The following SPATA22 variants were observed in gnomAD, a reference collection of about 807,000 sequenced individuals.
The protein encoded by SPATA22 is spermatogenesis-associated protein 22.
Under a neutral mutation model 47.8 loss-of-function variants are expected in SPATA22, and 29 were observed. That is an observed-to-expected ratio of 0.61 (90% CI 0.45 to 0.83). SPATA22 has a LOEUF of 0.83. Ranked by LOEUF, SPATA22 falls within the 40% of genes least tolerant of loss-of-function variation. The pLI is 0.00. For synonymous variants in SPATA22, 133 were observed against 140.9 expected, an observed-to-expected ratio of 0.94 and a Z score of 0.40; for missense variants, 410 against 421.7, an observed-to-expected ratio of 0.97 and a Z score of 0.24.
In SPATA22 at chr17:3,464,914, C is replaced by T. The variant is rs1242886451; in HGVS notation, c.173-2147G>A. 2.0e-5 allele frequency among the ~76,000 whole-genome samples: 2 copies of T among 99,284 alleles called. 1 individual carries two copies. The highest frequency in any genetic ancestry group is 6.0e-5 in the African/African-American group (2 of 33,272). 65.1% of individuals were successfully genotyped at this position (99,284 alleles called of 152,430 possible). On this transcript the variant is annotated intron_variant, in intron 3 of 8. Transcript: ENST00000572969. The stretch of plus-strand genomic sequence containing the variant: ...GGGGGGGGGTCAGCCCCCCACCCGG[C>T]CAGCCGCCCGGTCTGGGAGGTGAGG...
chr17:3,459,870 C>T (rs1235982189), intron 5 of SPATA22, among the ~76,000 whole-genome samples: 1 of 152,168 alleles, frequency 6.6e-6, no homozygotes, highest in Non-Finnish European at 1.5e-5. Flanking sequence ...TGAAGGAGAT[C>T]TAAAAGTTTA....
intron 1 of SPATA22, among the ~76,000 whole-genome samples, chr17:3,489,674 A>G (rs953413306): frequency 2.6e-5 from 4 of 152,240 alleles, no homozygotes; most frequent in Admixed American, 1.3e-4. Context: ...TCCCCCATTA[A>G]GTTGGGAAAA....
At chr17:3,469,156 C>G (rs1008640986) in intron 2 of SPATA22, 127 bp downstream of exon 2, 16 of 498,688 alleles carry the variant, frequency 3.2e-5, no homozygotes, top group African/African-American at 3.0e-4. Context: ...CTTCCTTGGA[C>G]CTAAAAAGTA....
chr17:3,494,413 G>A lies in SPATA22; in HGVS notation c.-74+18999C>T, dbSNP rs776560292. On this transcript the variant is annotated intron_variant, in intron 1 of 8. Coordinates refer to the SPATA22 transcript ENST00000541913. The stretch of plus-strand genomic sequence containing the variant: ...ATTATAGAGAAAGTTGATTACCCCC[G>A]GGATGAAAATGGAGAAATTGCTGCT... 33 of 1,612,848 alleles carry A rather than the reference G, an allele frequency of 2.0e-5. No homozygotes were observed. The highest frequency in any genetic ancestry group is 1.8e-4 in the East Asian group (8 of 44,896).
At chr17:3,494,526 G>C (rs1471342244) in intron 1 of SPATA22, 6 of 1,306,504 alleles carry the variant, frequency 4.6e-6, no homozygotes, top group African/African-American at 2.9e-5. Flanking sequence ...GAAGTTTATA[G>C]CTCATACAGC....
chr17:3,453,364 C>CAT (rs2072907321), intron 5 of SPATA22, among the ~76,000 whole-genome samples: 3 of 152,086 alleles, frequency 2.0e-5, no homozygotes, highest in Admixed American at 2.0e-4. Flanking sequence ...GTTGGTTTAA[C>CAT]ATACGCAAAT....
At chr17:3,449,537 T>C (rs1182293949) in intron 5 of SPATA22, among the ~76,000 whole-genome samples, 1 of 152,204 alleles carries the variant, frequency 6.6e-6, no homozygotes, top group Admixed American at 6.6e-5. Flanking sequence ...TCTTTATATA[T>C]TCAATTTTAA....
At chr17:3,455,894 C>T (rs901127741) in intron 5 of SPATA22, among the ~76,000 whole-genome samples, 7 of 152,038 alleles carry the variant, frequency 4.6e-5, no homozygotes, top group African/African-American at 1.7e-4. Context: ...GCAGTATGGC[C>T]ATTTTCACGA....
intron 1 of SPATA22, among the ~76,000 whole-genome samples, chr17:3,482,950 C>A (rs1173700302): frequency 8.5e-6 from 1 of 118,338 alleles, no homozygotes; most frequent in Non-Finnish European, 1.7e-5. Context: ...CTCCCCCCAC[C>A]CCAATTCTTC....
At chr17:3,508,811 T>G (rs1597457694) in intron 1 of SPATA22, among the ~76,000 whole-genome samples, 2 of 142,978 alleles carry the variant, frequency 1.4e-5, no homozygotes, top group African/African-American at 5.2e-5. Context: ...AATGACGAGT[T>G]AATGGGTGCA....
chr17:3,447,487 T>C (rs1049386637), intron 6 of SPATA22, among the ~76,000 whole-genome samples: 2 of 152,260 alleles, frequency 1.3e-5, no homozygotes, highest in South Asian at 4.1e-4. Flanking sequence ...ACTAAGGTGA[T>C]TATGTCATAT....
At chr17:3,486,146 C>G (rs2073717319) in intron 1 of SPATA22, among the ~76,000 whole-genome samples, 1 of 152,132 alleles carries the variant, frequency 6.6e-6, no homozygotes, top group Non-Finnish European at 1.5e-5. Context: ...GTTGGCCAGG[C>G]TGGTTTCGAA....
In SPATA22 at chr17:3,464,873, C is replaced by A. The variant is rs1448244707; in HGVS notation, c.173-2106G>T. Among the ~76,000 whole-genome samples, 6 of 113,678 alleles carry A rather than the reference C, an allele frequency of 5.3e-5. 1 individual carries two copies. The highest frequency in any genetic ancestry group is 8.4e-5 in the African/African-American group (3 of 35,652). The allele number at this position is 113,678 out of a possible 152,430, so 74.6% of individuals were successfully genotyped here. A position where few individuals can be genotyped will look rare whatever the true frequency, so the allele number is the denominator to read the frequency against. ...GAGCGTCTCCGCCCGGCAGCCACCC[C>A]GTCTGGGAGGGGGGTGGGGGGGGGT... On this transcript the variant is annotated intron_variant, in intron 3 of 8. Transcript: ENST00000572969.
chr17:3,469,094 A>G (rs1175661857), intron 2 of SPATA22, among the ~76,000 whole-genome samples, 189 bp downstream of exon 2: 2 of 152,172 alleles, frequency 1.3e-5, no homozygotes, highest in Non-Finnish European at 2.9e-5. Context: ...AGAAACTTTG[A>G]TCTTACTCCC....
intron 1 of SPATA22, among the ~76,000 whole-genome samples, chr17:3,477,755 C>G (rs1180394078): frequency 1.3e-5 from 2 of 152,038 alleles, no homozygotes; most frequent in Non-Finnish European, 2.9e-5. Flanking sequence ...CGCTGGGCCG[C>G]TTTTTTTCTT....
At chr17:3,484,377 G>A (rs983752560) in intron 1 of SPATA22, among the ~76,000 whole-genome samples, 16 of 152,208 alleles carry the variant, frequency 1.1e-4, no homozygotes, top group African/African-American at 3.9e-4. Context: ...AGGTAACCAG[G>A]TAATCACTGC....
At chr17:3,454,502 A>G (rs974033835) in intron 5 of SPATA22, among the ~76,000 whole-genome samples, 1 of 147,962 alleles carries the variant, frequency 6.8e-6, no homozygotes, top group East Asian at 2.0e-4. Context: ...TCCTGTGTCC[A>G]TGTGTTCTCA....
chr17:3,451,341 T>A (rs545569986), intron 5 of SPATA22, among the ~76,000 whole-genome samples: 1 of 151,732 alleles, frequency 6.6e-6, no homozygotes, highest in Non-Finnish European at 1.5e-5. Flanking sequence ...AAAGGAAAAA[T>A]TGACAGCAAC....
At chr17:3,444,176 T>TA (rs1213344659) in intron 7 of SPATA22, among the ~76,000 whole-genome samples, 1 of 152,016 alleles carries the variant, frequency 6.6e-6, no homozygotes, top group Non-Finnish European at 1.5e-5. Flanking sequence ...TGAGTACTGG[T>TA]AGTGGGCATT....
Sources: gnomAD v4.1 joint callset for allele counts (sites outside exome capture counted in the v4.1 genomes callset) on GRCh38, gnomAD v4.1.1 for gene constraint, MANE v1.5 for transcripts, NCBI Gene and HGNC (gene_info 2026-07-23, HGNC 2026-07-21) for gene names.